CASK: variants seen among roughly 807,000 people sequenced by gnomAD.
CASK encodes the protein calcium/calmodulin dependent serine protein kinase.
CASK carries 4 observed loss-of-function variants against 82.9 expected under a neutral mutation model. The observed-to-expected ratio is 0.05, with a 90% CI of 0.02 to 0.11. The LOEUF (loss-of-function observed/expected upper bound fraction) is 0.11, where lower values mean the gene tolerates loss of function less well. Among genes scored for constraint, CASK ranks in the 10% least tolerant of loss-of-function variants. CASK has a pLI of 1.00. For missense variants in CASK, 358 were observed against 720.9 expected, an observed-to-expected ratio of 0.50 and a Z score of 5.76; for synonymous variants, 259 against 253.5, an observed-to-expected ratio of 1.02 and a Z score of -0.20.
chrX:41,908,740 C>T (rs1249429658), intron 1 of CASK, among the ~76,000 whole-genome samples: 4 of 111,907 alleles, frequency 3.6e-5, no homozygotes, highest in Non-Finnish European at 5.6e-5. Context: ...CAAACACAAG[C>T]GTTTACCTAA....
intron 17 of CASK, 51 bp downstream of exon 17, chrX:41,561,508 C>T (rs1602263922): frequency 1.2e-6 from 1 of 853,018 alleles, no homozygotes; most frequent in East Asian, 3.2e-5. Context: ...TAAAAACAAG[C>T]TAACAAAGTA....
chrX:41,647,717 G>A (rs1418220669), intron 8 of CASK, among the ~76,000 whole-genome samples: 3 of 111,863 alleles, frequency 2.7e-5, no homozygotes, highest in African/African-American at 9.7e-5. Flanking sequence ...ACATTTATTA[G>A]TTCCCCAAAT....
chrX:41,543,848 T>C (rs2064979879), intron 21 of CASK, among the ~76,000 whole-genome samples: 1 of 112,455 alleles, frequency 8.9e-6, no homozygotes, highest in Admixed American at 9.4e-5. Context: ...ATTCCTATTG[T>C]TCCATTTCCT....
chrX:41,764,170 C>T (rs1022717136), intron 3 of CASK, among the ~76,000 whole-genome samples: 6 of 111,115 alleles, frequency 5.4e-5, no homozygotes, highest in African/African-American at 2.0e-4. Flanking sequence ...TAAGAATTAC[C>T]CAAACCCTTC....
chrX:41,555,897 C>A, intron 19 of CASK: 4 of 256,907 alleles, frequency 1.6e-5, no homozygotes, highest in Admixed American at 6.4e-5. Context: ...ATCTTCAACA[C>A]AAAAGCCACT....
At position 41,538,390 on chromosome X, in the gene CASK, C is replaced by T. The variant is rs189484973; in HGVS notation, c.2156-3417G>A. On this transcript the variant is annotated intron_variant, in intron 22 of 26. Coordinates refer to ENST00000378163, the MANE Select transcript of CASK (RefSeq NM_001367721.1). The stretch of plus-strand genomic sequence containing the variant: ...TAAGAAACCAAATTAATGAAGACTT[C>T]CTACATTTTTAAAAAGTTTACACTA... 4.5e-3 allele frequency among the ~76,000 whole-genome samples: 498 copies of T among 111,512 alleles called. 4 individuals carry two copies. The highest frequency in any genetic ancestry group is 0.016 in the African/African-American group (476 of 30,678).
chrX:41,818,142 C>T (rs2070449018), intron 2 of CASK, among the ~76,000 whole-genome samples: 1 of 76,945 alleles, frequency 1.3e-5, no homozygotes, highest in Non-Finnish European at 2.5e-5. Context: ...CCCAGGAGGC[C>T]TTCTGTGTGT....
intron 1 of CASK, among the ~76,000 whole-genome samples, chrX:41,888,752 T>C (rs1243669276): frequency 4.1e-5 from 4 of 98,056 alleles, no homozygotes; most frequent in East Asian, 2.9e-4. Context: ...CATATATATG[T>C]ATATGTATGT....
At chrX:41,552,820 A>C (rs776043307) in intron 21 of CASK, 2 of 112,108 alleles carry the variant, frequency 1.8e-5, no homozygotes, top group African/African-American at 6.5e-5. Context: ...TTAACTGAGA[A>C]ATCTCTTAAC....
At chrX:41,819,918 T>C (rs5964056) in intron 2 of CASK, among the ~76,000 whole-genome samples, 2 of 111,698 alleles carry the variant, frequency 1.8e-5, no homozygotes, top group Non-Finnish European at 3.8e-5. Context: ...TAAAACAAAT[T>C]CTTGAATCTA....
intron 3 of CASK, among the ~76,000 whole-genome samples, chrX:41,746,153 C>T: frequency 9.0e-6 from 1 of 111,430 alleles, no homozygotes; most frequent in Non-Finnish European, 1.9e-5. Context: ...AACGCAATGT[C>T]ACGATATTGT....
chrX:41,591,395 CTACAT>C (rs2065742133), intron 12 of CASK, among the ~76,000 whole-genome samples: 1 of 112,233 alleles, frequency 8.9e-6, no homozygotes, highest in Non-Finnish European at 1.9e-5. Context: ...TACACACACA[CTACAT>C]TACATTTGCA....
intron 1 of CASK, among the ~76,000 whole-genome samples, chrX:41,863,812 A>C (rs1157887612): frequency 8.9e-6 from 1 of 111,931 alleles, no homozygotes; most frequent in Non-Finnish European, 1.9e-5. Context: ...ACAATTGTCA[A>C]ATTCTCTGTG....
At chrX:41,744,347 C>CTT (rs746371317) in intron 4 of CASK, among the ~76,000 whole-genome samples, 2 of 98,519 alleles carry the variant, frequency 2.0e-5, no homozygotes, top group Non-Finnish European at 2.1e-5. Flanking sequence ...ATATTTACTT[C>CTT]TTTTTTTTTT....
At chrX:41,764,123 T>C (rs760550277) in intron 3 of CASK, among the ~76,000 whole-genome samples, 1 of 111,677 alleles carries the variant, frequency 9.0e-6, no homozygotes, top group South Asian at 3.7e-4. Context: ...CACTCGACAA[T>C]AGTTGAAGAA....
chrX:41,599,754 C>T (rs1039030692), intron 12 of CASK, among the ~76,000 whole-genome samples: 8 of 111,855 alleles, frequency 7.2e-5, no homozygotes, highest in African/African-American at 2.6e-4. Context: ...CCTAGCTTGA[C>T]TGTTCTCTAT....
At chrX:41,530,282 T>C (rs2064782006) in intron 25 of CASK, among the ~76,000 whole-genome samples, 1 of 111,934 alleles carries the variant, frequency 8.9e-6, no homozygotes, top group African/African-American at 3.2e-5. Context: ...AAAAACAGCT[T>C]GTCAGCATTT....
At position 41,612,182 on chromosome X, in the gene CASK, C is replaced by G. The variant is rs775961458; in HGVS notation, c.1034-2157G>C. On this transcript the variant is annotated intron_variant, in intron 11 of 26. Transcript: ENST00000378163. ...CCCATCGTCTGGGACGTGAGGAGCC[C>G]CTCTGCCTGGCTTGCCCAGTCTGGA... 4.6e-5 allele frequency among the ~76,000 whole-genome samples: 5 copies of G among 108,056 alleles called. No individual in the cohort carries two copies. The South Asian group carries it at 2.1e-3, about 46-fold the overall frequency. The allele number at this position is 108,056 out of a possible 115,157, so 93.8% of individuals were successfully genotyped here.
intron 3 of CASK, among the ~76,000 whole-genome samples, chrX:41,775,665 G>C (rs1009036140): frequency 1.0e-4 from 11 of 106,025 alleles, no homozygotes; most frequent in African/African-American, 3.7e-4. Flanking sequence ...ACTGGATTAA[G>C]AAAATGTGGC....
Sources: gnomAD v4.1 joint callset for allele counts (sites outside exome capture counted in the v4.1 genomes callset) on GRCh38, gnomAD v4.1.1 for gene constraint, MANE v1.5 for transcripts, NCBI Gene and HGNC (gene_info 2026-07-23, HGNC 2026-07-21) for gene names.